Variants in NIPAL2 observed in about 807,000 individuals in gnomAD.
The protein encoded by NIPAL2 is NIPA-like protein 2.
Under a neutral mutation model 48.9 loss-of-function variants are expected in NIPAL2, and 43 were observed. The observed-to-expected ratio is 0.88, with a 90% CI of 0.69 to 1.13. The LOEUF is 1.13. Ranked by LOEUF, NIPAL2 falls within the 50% of genes most tolerant of loss-of-function variation. The pLI, the probability that NIPAL2 is intolerant of heterozygous loss-of-function variation, is 0.00. For missense variants in NIPAL2, 446 were observed against 461.4 expected (o/e 0.97, Z 0.31); for synonymous variants, 167 against 174.6 (o/e 0.96, Z 0.34).
intron 1 of NIPAL2, among the ~76,000 whole-genome samples, chr8:98,272,935 C>T (rs1419995779): frequency 1.3e-5 from 2 of 152,106 alleles, no homozygotes; most frequent in Non-Finnish European, 2.9e-5. Context: ...ATATTAACTA[C>T]CACTACAAAA....
rs75877055 is a variant in NIPAL2, at chr8:98,243,318, G to A, written c.377-7104C>T. ...CTGTTCAAGGTTCATATAAGGAAACGTACACTTGGGCATTTGGATTCAGGT... is the reference window on the plus strand; with the variant it reads ...CTGTTCAAGGTTCATATAAGGAAACATACACTTGGGCATTTGGATTCAGGT... On this transcript the variant is annotated intron_variant, in intron 3 of 10. Transcript: ENST00000430223. Among the ~76,000 whole-genome samples, 76 of 152,270 alleles carry A rather than the reference G, an allele frequency of 5.0e-4. 1 individual carries two copies. The East Asian group carries it at 0.012, about 25-fold the overall frequency.
rs528934166 is a variant in NIPAL2 at position 98,266,973 on chromosome 8, T to A, written c.136-12886A>T. Among the ~76,000 whole-genome samples the A allele has an allele frequency of 9.0e-4, 131 of 145,440 alleles. 1 individual carries two copies. In the South Asian group the frequency reaches 0.018, roughly 20 times the overall value. On this transcript the variant is annotated intron_variant, in intron 1 of 10. Transcript: ENST00000430223. ...AAAGCAATCATATAAATGGTTCCTT[T>A]AAAAAAAAAAAACTGCCAACCTGTT...
chr8:98,212,135 A>C (rs1811349759), intron 6 of NIPAL2, among the ~76,000 whole-genome samples: 1 of 152,204 alleles, frequency 6.6e-6, no homozygotes, highest in African/African-American at 2.4e-5. Context: ...CTTATTAACA[A>C]AATATCTTCA....
intron 3 of NIPAL2, among the ~76,000 whole-genome samples, chr8:98,242,488 A>ATTTTTTGTTTTTTTTT (rs774556900): frequency 1.3e-4 from 15 of 117,768 alleles, no homozygotes; most frequent in South Asian, 2.8e-4. Flanking sequence ...CACCTGACAG[A>ATTTTTTGTTTTTTTTT]TTTTTTTTTT....
At chr8:98,226,900 A>C (rs1812205770) in intron 4 of NIPAL2, among the ~76,000 whole-genome samples, 1 of 152,156 alleles carries the variant, frequency 6.6e-6, no homozygotes, top group Non-Finnish European at 1.5e-5. Flanking sequence ...GCTGTCCAGG[A>C]GCCAGGCCTG....
intron 1 of NIPAL2, among the ~76,000 whole-genome samples, chr8:98,288,706 T>A (rs924525390): frequency 1.3e-5 from 2 of 151,990 alleles, no homozygotes; most frequent in Non-Finnish European, 2.9e-5. Flanking sequence ...GCACCTGTTG[T>A]TTCCTGACTT....
intron 8 of NIPAL2, among the ~76,000 whole-genome samples, chr8:98,198,888 T>C (rs1156764882): frequency 6.6e-6 from 1 of 152,238 alleles, no homozygotes; most frequent in Non-Finnish European, 1.5e-5. Context: ...TACTTTCTTA[T>C]CATTCATGTG....
In NIPAL2 at chr8:98,221,753, C is replaced by T. The variant is rs140138914; in HGVS notation, c.558+726G>A. On this transcript the variant is annotated intron_variant, in intron 5 of 10. Transcript: ENST00000430223. ...AAAACCACAGTGAGATACCATCTCA[C>T]GCCAGTTAGAATGGCGATCATTAAA... Among the ~76,000 whole-genome samples the T allele has an allele frequency of 6.0e-3, 909 of 152,174 alleles. 8 individuals are homozygous for T. The highest frequency in any genetic ancestry group is 0.02 in the African/African-American group (848 of 41,508).
In NIPAL2 at chr8:98,209,100, T is replaced by C. The variant is rs148667968; in HGVS notation, c.655+3305A>G. Reference sequence around the variant, plus strand: ...AACTTGATGAACTATATTAATGAATTTCTTAAAGAATCCTTCTTTCATTCC... The same window carrying C: ...AACTTGATGAACTATATTAATGAATCTCTTAAAGAATCCTTCTTTCATTCC... On this transcript the variant is annotated intron_variant, in intron 6 of 10. Transcript: ENST00000430223. Among the ~76,000 whole-genome samples, 14 of 152,268 alleles carry C rather than the reference T, an allele frequency of 9.2e-5. No homozygotes were observed. In the East Asian group the frequency reaches 2.7e-3, roughly 29 times the overall value.
rs1189023896 is a variant in NIPAL2 at position 98,189,940 on chromosome 8, G to C, written c.*3038C>G. On this transcript the variant is annotated 3_prime_UTR_variant, in exon 11 of 11. Transcript: ENST00000430223. The stretch of plus-strand genomic sequence containing the variant: ...GCCAAAAAACAATCATATGGCAAAG[G>C]CCTCTGCTTTAATCTACTACATGAG... 1.3e-5 allele frequency: 2 copies of C among 152,172 alleles called. No homozygotes were observed. Among genetic ancestry groups the C allele is most frequent in the Non-Finnish European group, 2.9e-5 (2 of 68,040 alleles). 9.4% of individuals were successfully genotyped at this position (152,172 alleles called of 1,614,324 possible). A position where few individuals can be genotyped will look rare whatever the true frequency, so the allele number is the denominator to read the frequency against.
At position 98,215,121 on chromosome 8, in the gene NIPAL2, G is replaced by T. The variant is rs572095438; in HGVS notation, c.559-2620C>A. On this transcript the variant is annotated intron_variant, in intron 5 of 10. Coordinates refer to ENST00000430223, the MANE Select transcript of NIPAL2 (RefSeq NM_001321635.2). ...CTGTGTTAACACACAGAGCCTATTAGGTAAATCGATTCTCATGCTGATTAT... is the reference window on the plus strand; with the variant it reads ...CTGTGTTAACACACAGAGCCTATTATGTAAATCGATTCTCATGCTGATTAT... 5.1e-4 allele frequency among the ~76,000 whole-genome samples: 77 copies of T among 152,308 alleles called. 1 individual carries two copies. The South Asian group carries it at 0.015, about 29-fold the overall frequency.
chr8:98,275,141 T>C (rs1032752615), intron 1 of NIPAL2, among the ~76,000 whole-genome samples: 5 of 152,100 alleles, frequency 3.3e-5, no homozygotes, highest in Non-Finnish European at 7.4e-5. Context: ...ATACCTTATT[T>C]AGATTTCACC....
intron 1 of NIPAL2, among the ~76,000 whole-genome samples, chr8:98,266,250 T>C (rs1814727517): frequency 6.8e-6 from 1 of 146,222 alleles, no homozygotes; most frequent in East Asian, 2.0e-4. Context: ...ACCTGCACAA[T>C]GTGCACATGT....
chr8:98,238,620 T>C (rs1484859918), intron 3 of NIPAL2, among the ~76,000 whole-genome samples: 2 of 152,090 alleles, frequency 1.3e-5, no homozygotes, highest in Admixed American at 6.6e-5. Flanking sequence ...TTTTTTTTTT[T>C]TCCTCAACTT....
intron 5 of NIPAL2, among the ~76,000 whole-genome samples, chr8:98,221,255 C>T (rs191120032): frequency 0.013 from 1,971 of 152,004 alleles, 18 homozygotes; most frequent in Non-Finnish European, 0.022. Context: ...GGATTACGGG[C>T]GTGAGCCACC....
At chr8:98,242,078 A>C (rs1023655213) in intron 3 of NIPAL2, among the ~76,000 whole-genome samples, 1 of 152,270 alleles carries the variant, frequency 6.6e-6, no homozygotes, top group Non-Finnish European at 1.5e-5. Flanking sequence ...CAATTTATCA[A>C]ATTTCCTTTA....
rs569496668 is a variant in NIPAL2, at chr8:98,191,762, A to C, written c.*1216T>G. ...TAGATCATAAATAACAGATATTATT[A>C]TGGATTCTACCTGCAAATGTGTCTT... On this transcript the variant is annotated 3_prime_UTR_variant, in exon 11 of 11. Coordinates refer to ENST00000430223, the MANE Select transcript of NIPAL2 (RefSeq NM_001321635.2). The C allele has an allele frequency of 6.6e-6, 1 of 152,338 alleles. No homozygotes were observed. The highest frequency in any genetic ancestry group is 2.4e-5 in the African/African-American group (1 of 41,584). 9.4% of individuals were successfully genotyped at this position (152,338 alleles called of 1,614,324 possible). A position where few individuals can be genotyped will look rare whatever the true frequency, so the allele number is the denominator to read the frequency against.
chr8:98,281,474 A>C (rs1815827328), intron 1 of NIPAL2, among the ~76,000 whole-genome samples: 1 of 152,168 alleles, frequency 6.6e-6, no homozygotes, highest in Non-Finnish European at 1.5e-5. Flanking sequence ...TGTGCCTTTA[A>C]AAATAACTAA....
At chr8:98,206,748 G>T (rs944572206) in intron 6 of NIPAL2, among the ~76,000 whole-genome samples, 1 of 144,904 alleles carries the variant, frequency 6.9e-6, no homozygotes, top group African/African-American at 2.6e-5. Context: ...CTGCACTCCA[G>T]CCTGGGTGAC....
Sources: allele counts gnomAD v4.1 joint callset (sites outside exome capture counted in the v4.1 genomes callset), GRCh38; gene constraint gnomAD v4.1.1; transcripts MANE v1.5; gene names NCBI Gene and HGNC (gene_info 2026-07-23, HGNC 2026-07-21).